The following MIPEP variants were observed in gnomAD, a reference collection of about 807,000 sequenced individuals.
MIPEP encodes mitochondrial intermediate peptidase.
In MIPEP, 79 loss-of-function variants were observed where a neutral mutation model predicts 90.3. The observed-to-expected ratio is 0.87, with a 90% CI of 0.73 to 1.05. The LOEUF is 1.05. Among genes scored for constraint, MIPEP ranks in the 50% least tolerant of loss-of-function variants. The probability of loss-of-function intolerance (pLI) is 0.00; values close to 1 mark genes in which losing one functional copy is unlikely to be tolerated. For missense variants in MIPEP, 940 were observed against 905.6 expected (o/e 1.04, Z -0.49); for synonymous variants, 334 against 315.8 (o/e 1.06, Z -0.61).
chr13:23,865,870 C>T (rs1593199534), intron 7 of MIPEP, among the ~76,000 whole-genome samples: 1 of 152,090 alleles, frequency 6.6e-6, no homozygotes, highest in East Asian at 1.9e-4. Context: ...GGGGTTTCAC[C>T]ATGTTGGCCA....
chr13:23,875,558 T>TA (rs1871036877), intron 4 of MIPEP, among the ~76,000 whole-genome samples: 1 of 151,968 alleles, frequency 6.6e-6, no homozygotes, highest in African/African-American at 2.4e-5. Context: ...GGTATTTTTT[T>TA]TAAAAAAAAC....
chr13:23,864,157 CAGAT>C lies in MIPEP; in HGVS notation c.972_975del (p.Ser325ThrfsTer8). The C allele has an allele frequency of 1.3e-6, 2 of 1,562,304 alleles. No individual in the cohort carries two copies. The highest frequency in any genetic ancestry group is 1.7e-6 in the Non-Finnish European group (2 of 1,150,786). ...AAAACTAACCTTTCAGAAAGTTTGT[CAGAT>C]AGTTTTTCAAGGAACTGCATGACAG... On this transcript the variant is annotated frameshift_variant, in exon 8 of 19. Coordinates refer to ENST00000382172, the MANE Select transcript of MIPEP (RefSeq NM_005932.4). LOFTEE classifies it high-confidence loss of function.
At chr13:23,811,801 C>G (rs1055172996) in intron 14 of MIPEP, among the ~76,000 whole-genome samples, 47 of 152,180 alleles carry the variant, frequency 3.1e-4, no homozygotes, top group Admixed American at 2.0e-4. Flanking sequence ...TTTAGACACT[C>G]CTGTGATTTC....
intron 16 of MIPEP, 35 bp from the exon 17 acceptor site, chr13:23,760,252 A>G: frequency 6.2e-7 from 1 of 1,613,666 alleles, no homozygotes; most frequent in Non-Finnish European, 8.5e-7. Context: ...ACGGGACACA[A>G]GTCAGTTTCC....
At chr13:23,755,998 T>C (rs538417146) in intron 18 of MIPEP, among the ~76,000 whole-genome samples, 56 of 152,300 alleles carry the variant, frequency 3.7e-4, no homozygotes, top group Admixed American at 2.1e-3. Context: ...AAAAAATTTT[T>C]CTATTAGAGT....
intron 18 of MIPEP, among the ~76,000 whole-genome samples, chr13:23,753,905 G>C (rs577717777): frequency 6.6e-6 from 1 of 151,996 alleles, no homozygotes; most frequent in African/African-American, 2.4e-5. Flanking sequence ...TGAATACAAA[G>C]GTATTCTGAC....
At chr13:23,807,569 T>C (rs1953124783) in intron 15 of MIPEP, among the ~76,000 whole-genome samples, 1 of 152,242 alleles carries the variant, frequency 6.6e-6, no homozygotes, top group Non-Finnish European at 1.5e-5. Context: ...ATTTCCTAAA[T>C]ATAAATATTG....
chr13:23,809,611 G>A (rs1418829641), intron 15 of MIPEP, among the ~76,000 whole-genome samples: 1 of 152,102 alleles, frequency 6.6e-6, no homozygotes, highest in African/African-American at 2.4e-5. Context: ...CCAAAGTGCT[G>A]GGATTACAGG....
chr13:23,881,281 C>T (rs1381137407), intron 3 of MIPEP, among the ~76,000 whole-genome samples: 5 of 152,132 alleles, frequency 3.3e-5, no homozygotes, highest in African/African-American at 9.7e-5. Flanking sequence ...TTTAATCAAG[C>T]GATAATCTAG....
intron 7 of MIPEP, among the ~76,000 whole-genome samples, chr13:23,864,992 T>C (rs565336917): frequency 6.7e-5 from 10 of 148,680 alleles, no homozygotes; most frequent in African/African-American, 2.5e-4. Flanking sequence ...TGTAGAATAA[T>C]CTATTCAGGA....
intron 16 of MIPEP, among the ~76,000 whole-genome samples, chr13:23,797,490 A>C (rs1035942904): frequency 2.0e-5 from 3 of 152,130 alleles, no homozygotes; most frequent in African/African-American, 7.2e-5. Context: ...TTTTATTAAA[A>C]CAGTGGGTGT....
intron 12 of MIPEP, among the ~76,000 whole-genome samples, chr13:23,839,409 G>T (rs76440389): frequency 1.3e-5 from 2 of 152,170 alleles, no homozygotes; most frequent in Non-Finnish European, 2.9e-5. Flanking sequence ...AATGTCAGTT[G>T]TCATTGTTAC....
chr13:23,787,802 T>C (rs1307845810), intron 16 of MIPEP, among the ~76,000 whole-genome samples: 1 of 152,200 alleles, frequency 6.6e-6, no homozygotes, highest in Non-Finnish European at 1.5e-5. Context: ...GGAAAGAATT[T>C]AGGCTCTAGG....
intron 14 of MIPEP, among the ~76,000 whole-genome samples, chr13:23,832,905 T>C (rs1868842566): frequency 6.6e-6 from 1 of 152,250 alleles, no homozygotes; most frequent in African/African-American, 2.4e-5. Flanking sequence ...TGGTATCTGC[T>C]ATCTCTGACA....
At chr13:23,732,603 A>G (rs1565975529) in intron 18 of MIPEP, among the ~76,000 whole-genome samples, 1 of 152,274 alleles carries the variant, frequency 6.6e-6, no homozygotes, top group South Asian at 2.1e-4. Context: ...AACTATTCAT[A>G]CATGCAACAA....
chr13:23,799,473 C>T (rs567983174), intron 16 of MIPEP, among the ~76,000 whole-genome samples: 1 of 152,150 alleles, frequency 6.6e-6, no homozygotes, highest in Admixed American at 6.5e-5. Flanking sequence ...GCTACATGCG[C>T]CCGCCACCAC....
chr13:23,851,243 C>T (rs1869787634), intron 10 of MIPEP, among the ~76,000 whole-genome samples: 1 of 152,186 alleles, frequency 6.6e-6, no homozygotes, highest in Non-Finnish European at 1.5e-5. Flanking sequence ...TTGAGTCTCA[C>T]TCAACAAGCT....
rs1473633336 is a variant in MIPEP, at chr13:23,769,257, T to A, written c.1849-9040A>T. 3.3e-5 allele frequency among the ~76,000 whole-genome samples: 5 copies of A among 152,288 alleles called. No homozygotes were observed. In the East Asian group the frequency reaches 9.6e-4, roughly 29 times the overall value. On this transcript the variant is annotated intron_variant, in intron 16 of 18. Coordinates refer to ENST00000382172, the MANE Select transcript of MIPEP (RefSeq NM_005932.4). ...GGCCTCTGTAGGAACAGGTACTGTG[T>A]CTGAACCCTGATCAGGCAGCTCTGG... is the stretch of plus-strand genomic sequence containing the variant.
At chr13:23,779,805 A>G (rs1315146300) in intron 16 of MIPEP, among the ~76,000 whole-genome samples, 1 of 152,176 alleles carries the variant, frequency 6.6e-6, no homozygotes, top group Non-Finnish European at 1.5e-5. Flanking sequence ...ACACGAGGAG[A>G]TTATATCCCG....
Sources: allele counts gnomAD v4.1 joint callset (sites outside exome capture counted in the v4.1 genomes callset), GRCh38; gene constraint gnomAD v4.1.1; transcripts MANE v1.5; gene names NCBI Gene and HGNC (gene_info 2026-07-23, HGNC 2026-07-21).